Variants in UGT1A10 observed in about 807,000 individuals in gnomAD.
UGT1A10 encodes UDP-glucuronosyltransferase 1A10.
In UGT1A10, 49 loss-of-function variants were observed where a neutral mutation model predicts 45.8. The ratio of observed to expected loss-of-function variants is 1.07; its 90% CI spans 0.85 to 1.36. The LOEUF (loss-of-function observed/expected upper bound fraction) is 1.36, where lower values mean the gene tolerates loss of function less well. UGT1A10 is among the 40% of genes most tolerant of loss of function. The pLI, the probability that UGT1A10 is intolerant of heterozygous loss-of-function variation, is 0.00. For synonymous variants in UGT1A10, 284 were observed against 249.7 expected (o/e 1.14, Z -1.29); for missense variants, 745 against 668.6 (o/e 1.11, Z -1.26).
intron 1 of UGT1A10, among the ~76,000 whole-genome samples, chr2:233,638,762 T>C (rs2073371533): frequency 6.6e-6 from 1 of 152,206 alleles, no homozygotes; most frequent in Admixed American, 6.5e-5. Flanking sequence ...CATTGGCAGA[T>C]GGTTGGTGAA....
chr2:233,679,038 A>G (rs143783350), intron 1 of UGT1A10, among the ~76,000 whole-genome samples: 2 of 152,298 alleles, frequency 1.3e-5, no homozygotes, highest in African/African-American at 4.8e-5. Flanking sequence ...GACTTTCATG[A>G]CATTCTCTAT....
At chr2:233,700,589 G>GAT (rs2075574191) in intron 1 of UGT1A10, among the ~76,000 whole-genome samples, 2 of 152,036 alleles carry the variant, frequency 1.3e-5, no homozygotes. Flanking sequence ...AATTTATTAT[G>GAT]ATACAATTCA....
At chr2:233,729,044 T>G (rs1356759266) in intron 1 of UGT1A10, 1 of 1,607,146 alleles carries the variant, frequency 6.2e-7, no homozygotes, top group East Asian at 2.2e-5. Context: ...AGTGGCTCAG[T>G]GACAAGGTAA....
chr2:233,714,773 T>G (rs2076411082), intron 1 of UGT1A10, among the ~76,000 whole-genome samples: 1 of 152,258 alleles, frequency 6.6e-6, no homozygotes, highest in African/African-American at 2.4e-5. Flanking sequence ...TATCTCAATT[T>G]GGAATAGCCA....
chr2:233,722,946 TGAG>T (rs1439594890), intron 1 of UGT1A10, among the ~76,000 whole-genome samples: 3 of 133,040 alleles, frequency 2.3e-5, no homozygotes, highest in African/African-American at 2.8e-5. Flanking sequence ...CTGAGTGGGC[TGAG>T]GAGGAGGAGG....
chr2:233,758,136 T>C (rs1239060049), intron 1 of UGT1A10, among the ~76,000 whole-genome samples: 2 of 152,212 alleles, frequency 1.3e-5, no homozygotes, highest in Non-Finnish European at 2.9e-5. Context: ...ATTTGGCAGA[T>C]GAGGGAATTA....
Position 233,768,326 on chromosome 2 carries a change from G to A in UGT1A10, c.1182G>A (p.Gln394=), listed in dbSNP as rs1299905562. ...PMVMMPLFGD[Q]MDNAKRMETK... ...TGATGATGCCCTTGTTTGGTGATCAGATGGACAATGCAAAGCGCATGGAGA... is the reference window on the plus strand; with the variant it reads ...TGATGATGCCCTTGTTTGGTGATCAAATGGACAATGCAAAGCGCATGGAGA... The change falls in exon 4 of 5, where the codon CAG becomes CAA. Residue 394 remains glutamine (Q), a synonymous_variant. Transcript: ENST00000344644. 6.2e-7 allele frequency: 1 copy of A among 1,614,204 alleles called. No homozygotes were observed. The highest frequency in any genetic ancestry group is 1.3e-5 in the African/African-American group (1 of 75,056).
At chr2:233,753,801 T>C (rs1243795738) in intron 1 of UGT1A10, 1 of 152,208 alleles carries the variant, frequency 6.6e-6, no homozygotes, top group Admixed American at 6.5e-5. Context: ...GGACCTACCA[T>C]AGTTGGAGAA....
intron 1 of UGT1A10, among the ~76,000 whole-genome samples, chr2:233,646,777 T>C (rs1443882959): frequency 6.6e-6 from 1 of 152,206 alleles, no homozygotes; most frequent in Non-Finnish European, 1.5e-5. Flanking sequence ...CAAACTTTCC[T>C]ACATTTTCCT....
chr2:233,729,311 C>T (rs367893745), intron 1 of UGT1A10: 1 of 1,614,250 alleles, frequency 6.2e-7, no homozygotes, highest in South Asian at 1.1e-5. Flanking sequence ...GTGGTCCTCA[C>T]CCCAGAGGTG....
intron 1 of UGT1A10, among the ~76,000 whole-genome samples, chr2:233,668,535 T>G (rs2074122304): frequency 6.6e-6 from 1 of 152,234 alleles, no homozygotes; most frequent in Non-Finnish European, 1.5e-5. Flanking sequence ...TGTGTCTTTA[T>G]AGTACCATGA....
At chr2:233,747,282 GC>G in intron 1 of UGT1A10, 1 of 1,600,800 alleles carries the variant, frequency 6.2e-7, no homozygotes, top group Non-Finnish European at 8.5e-7. Context: ...TCAGTGCCCA[GC>G]CCTGGGCTGA....
intron 1 of UGT1A10, among the ~76,000 whole-genome samples, chr2:233,665,195 A>C (rs533973469): frequency 1.4e-4 from 22 of 152,312 alleles, no homozygotes; most frequent in African/African-American, 5.3e-4. Context: ...GCCAATACAG[A>C]CTGATTTGAC....
chr2:233,729,830 C>T, intron 1 of UGT1A10: 2 of 1,613,904 alleles, frequency 1.2e-6, no homozygotes, highest in Non-Finnish European at 1.7e-6. Flanking sequence ...GCAAGCCTTG[C>T]CTCTGAGCTT....
intron 1 of UGT1A10, among the ~76,000 whole-genome samples, chr2:233,765,063 G>T (rs1333981989): frequency 6.6e-6 from 1 of 152,054 alleles, no homozygotes; most frequent in African/African-American, 2.4e-5. Context: ...CCCTGTCAGA[G>T]GTCTCCTGTG....
At chr2:233,743,758 G>C (rs761738753) in intron 1 of UGT1A10, 2 of 1,367,326 alleles carry the variant, frequency 1.5e-6, no homozygotes, top group African/African-American at 1.5e-5. Flanking sequence ...ACAACACCTC[G>C]TAGGCCTCGG....
rs371827044 is a variant in UGT1A10, at chr2:233,728,641, A to G, written c.856-38393A>G. 1.3e-4 allele frequency among the ~76,000 whole-genome samples: 20 copies of G among 152,302 alleles called. No homozygotes were observed. The East Asian group carries it at 3.3e-3, about 25-fold the overall frequency. On this transcript the variant is annotated intron_variant, in intron 1 of 4. Transcript: ENST00000344644. ...GAGAAAGCTGGCTTAGCAATGTTGT[A>G]TGGTTTTTGGATGCGCTGCGTTACT...
chr2:233,738,222 T>G (rs937351311), intron 1 of UGT1A10, among the ~76,000 whole-genome samples: 9 of 152,076 alleles, frequency 5.9e-5, no homozygotes, highest in African/African-American at 1.9e-4. Context: ...ATTATAAGTT[T>G]CCTGAGGCCC....
chr2:233,736,518 C>T (rs567664154), intron 1 of UGT1A10, among the ~76,000 whole-genome samples: 3 of 152,304 alleles, frequency 2.0e-5, no homozygotes, highest in Admixed American at 1.3e-4. Context: ...TCTGTCAACT[C>T]GTCAAAGTCA....
Sources: allele counts gnomAD v4.1 joint callset (sites outside exome capture counted in the v4.1 genomes callset), GRCh38; gene constraint gnomAD v4.1.1; transcripts MANE v1.5; gene names NCBI Gene and HGNC (gene_info 2026-07-23, HGNC 2026-07-21).